Variants in PXDNL observed in about 807,000 individuals in gnomAD.
PXDNL encodes the protein probable oxidoreductase PXDNL.
Under a neutral mutation model 150.8 loss-of-function variants are expected in PXDNL, and 145 were observed. The observed-to-expected ratio is 0.96, with a 90% CI of 0.84 to 1.10. The LOEUF (loss-of-function observed/expected upper bound fraction) is 1.10, where lower values mean the gene tolerates loss of function less well. PXDNL is among the 50% of genes least tolerant of loss of function. The pLI, the probability that PXDNL is intolerant of heterozygous loss-of-function variation, is 0.00. For synonymous variants in PXDNL, 757 were observed against 725.7 expected, an observed-to-expected ratio of 1.04 and a Z score of -0.69; for missense variants, 2,087 against 1,873.9, an observed-to-expected ratio of 1.11 and a Z score of -2.10.
At chr8:51,458,551 C>T (rs1809991415) in intron 8 of PXDNL, among the ~76,000 whole-genome samples, 1 of 152,190 alleles carries the variant, frequency 6.6e-6, no homozygotes, top group Admixed American at 6.5e-5. Flanking sequence ...CCATCTTCAT[C>T]ACTCAATACA....
chr8:51,803,696 C>A (rs374542733), intron 1 of PXDNL, among the ~76,000 whole-genome samples: 1 of 152,216 alleles, frequency 6.6e-6, no homozygotes. Context: ...GCCTACACAA[C>A]CACTGGTGAC....
At chr8:51,401,123 T>A (rs991250839) in intron 17 of PXDNL, among the ~76,000 whole-genome samples, 2 of 152,176 alleles carry the variant, frequency 1.3e-5, no homozygotes, top group Admixed American at 1.3e-4. Context: ...GTCATTCAAC[T>A]AATATGTTCT....
intron 5 of PXDNL, 132 bp from the exon 6 acceptor site, chr8:51,483,846 C>A: frequency 1.6e-6 from 1 of 606,178 alleles, no homozygotes. Flanking sequence ...AAACAGAAGT[C>A]AGAGTGTCAT....
At chr8:51,771,687 G>A (rs2037295932) in intron 1 of PXDNL, among the ~76,000 whole-genome samples, 1 of 152,116 alleles carries the variant, frequency 6.6e-6, no homozygotes, top group Non-Finnish European at 1.5e-5. Flanking sequence ...CAATAAAAAA[G>A]AGACAAAAGA....
chr8:51,473,174 G>A (rs1233732390), intron 7 of PXDNL, among the ~76,000 whole-genome samples: 6 of 151,752 alleles, frequency 4.0e-5, no homozygotes, highest in Non-Finnish European at 8.8e-5. Flanking sequence ...CGTCAGTTAT[G>A]TGCCAGACAA....
rs1439760852 is a variant in PXDNL, at chr8:51,553,250, C to T, written c.380+3590G>A. Among the ~76,000 whole-genome samples the T allele has an allele frequency of 2.6e-5, 4 of 152,298 alleles. No homozygotes were observed. In the East Asian group the frequency reaches 7.7e-4, roughly 29 times the overall value. ...GTCTTGTGCTGCAAGCTCTCCCAGG[C>T]TGACATTGCACACTGGCAGCTCAAT... On this transcript the variant is annotated intron_variant, in intron 4 of 22. Transcript: ENST00000356297.
chr8:51,675,475 A>C (rs1815592885), intron 1 of PXDNL, among the ~76,000 whole-genome samples: 1 of 152,074 alleles, frequency 6.6e-6, no homozygotes. Context: ...CAGAACTGTG[A>C]GACATAAATT....
rs190528359 is a variant in PXDNL, at chr8:51,648,723, C to T, written c.236+5966G>A. ...GTTTAATCATTACATTAATTATATGCGCTATGATTATCCTCTTTTATAGAT... is the reference window on the plus strand; with the variant it reads ...GTTTAATCATTACATTAATTATATGTGCTATGATTATCCTCTTTTATAGAT... On this transcript the variant is annotated intron_variant, in intron 2 of 22. Transcript: ENST00000356297. 8.5e-5 allele frequency among the ~76,000 whole-genome samples: 13 copies of T among 152,154 alleles called. No homozygotes were observed. The East Asian group carries it at 9.7e-4, about 11-fold the overall frequency.
intron 11 of PXDNL, among the ~76,000 whole-genome samples, chr8:51,447,453 T>C (rs1025757117): frequency 2.0e-5 from 3 of 152,206 alleles, no homozygotes; most frequent in Admixed American, 6.5e-5. Context: ...CTTACTATAA[T>C]CAGAAAGCAA....
Position 51,374,692 on chromosome 8 carries a change from G to C in PXDNL, c.3597C>G (p.Ala1199=). The C allele has an allele frequency of 6.2e-7, 1 of 1,613,856 alleles. No homozygotes were observed. The highest frequency in any genetic ancestry group is 8.5e-7 in the Non-Finnish European group (1 of 1,179,866). The change falls in exon 18 of 23, where the codon GCC becomes GCG. Residue 1199 remains alanine, a synonymous_variant. Coordinates refer to ENST00000356297, the MANE Select transcript of PXDNL (RefSeq NM_144651.5). ...CAGGAATCAGGTCTTCAACCATAAGGGCGGGCCAGAGGTCAATGTCACCTG... is the reference window on the plus strand; with the variant it reads ...CAGGAATCAGGTCTTCAACCATAAGCGCGGGCCAGAGGTCAATGTCACCTG... ...GSPGDIDLWP[A]LMVEDLIPGT... is the part of the protein sequence containing the mutation.
chr8:51,468,945 A>G (rs1334644215), intron 8 of PXDNL, among the ~76,000 whole-genome samples: 1 of 151,998 alleles, frequency 6.6e-6, no homozygotes, highest in Non-Finnish European at 1.5e-5. Context: ...ATTTATCAAC[A>G]TGTTTAAAAC....
chr8:51,702,418 A>G (rs1265360462), intron 1 of PXDNL, among the ~76,000 whole-genome samples: 1 of 152,190 alleles, frequency 6.6e-6, no homozygotes, highest in Non-Finnish European at 1.5e-5. Context: ...AACTCTGGCA[A>G]TATGGTAGAG....
intron 8 of PXDNL, 94 bp downstream of exon 8, chr8:51,472,093 T>G: frequency 1.4e-6 from 1 of 738,830 alleles, no homozygotes; most frequent in Non-Finnish European, 2.2e-6. Context: ...AAAATTTTAG[T>G]AATTTCTTCT....
chr8:51,581,421 G>A (rs765104121), intron 3 of PXDNL, among the ~76,000 whole-genome samples: 5 of 151,978 alleles, frequency 3.3e-5, no homozygotes, highest in South Asian at 2.1e-4. Flanking sequence ...CCTGGGAGGC[G>A]GAGGTTGCAG....
intron 12 of PXDNL, among the ~76,000 whole-genome samples, chr8:51,446,802 TA>T (rs1455092574): frequency 1.3e-5 from 2 of 151,994 alleles, no homozygotes; most frequent in African/African-American, 4.8e-5. Context: ...TAATCATAAT[TA>T]GTATGAATGA....
intron 1 of PXDNL, among the ~76,000 whole-genome samples, chr8:51,780,810 C>A (rs1308346872): frequency 6.6e-6 from 1 of 152,044 alleles, no homozygotes; most frequent in East Asian, 1.9e-4. Flanking sequence ...CAGGTGTGCA[C>A]AACCATGCCT....
intron 21 of PXDNL, among the ~76,000 whole-genome samples, chr8:51,333,721 G>C (rs1391599153): frequency 6.6e-6 from 1 of 152,150 alleles, no homozygotes; most frequent in Non-Finnish European, 1.5e-5. Flanking sequence ...AAGAGACAAA[G>C]AGGGACATTA....
chr8:51,658,350 A>C (rs1815196754), intron 1 of PXDNL, among the ~76,000 whole-genome samples: 1 of 119,332 alleles, frequency 8.4e-6, no homozygotes, highest in African/African-American at 3.5e-5. Flanking sequence ...TCAAGAAAAA[A>C]AAAAAAAAAA....
At chr8:51,444,269 G>A (rs537987937) in intron 12 of PXDNL, among the ~76,000 whole-genome samples, 2 of 152,166 alleles carry the variant, frequency 1.3e-5, no homozygotes, top group South Asian at 2.1e-4. Flanking sequence ...CACCATCAGC[G>A]CAAATTTCAA....
Sources: allele counts gnomAD v4.1 joint callset (sites outside exome capture counted in the v4.1 genomes callset), GRCh38; gene constraint gnomAD v4.1.1; transcripts MANE v1.5; gene names NCBI Gene and HGNC (gene_info 2026-07-23, HGNC 2026-07-21).